GALNTL6: variants seen among roughly 807,000 people sequenced by gnomAD.
The protein encoded by GALNTL6 is polypeptide N-acetylgalactosaminyltransferase like 6, also known as polypeptide N-acetylgalactosaminyltransferase-like 6.
A neutral mutation model predicts 73.7 loss-of-function variants in GALNTL6; 46 were observed. The observed-to-expected ratio is 0.62, with a 90% CI of 0.49 to 0.80. GALNTL6 has a LOEUF of 0.80. GALNTL6 is among the 30% of genes least tolerant of loss of function. GALNTL6 has a pLI of 0.00. For missense variants in GALNTL6, 604 were observed against 755.0 expected (o/e 0.80, Z 2.34); for synonymous variants, 259 against 263.7 (o/e 0.98, Z 0.17).
intron 2 of GALNTL6, among the ~76,000 whole-genome samples, chr4:171,964,266 T>C (rs1183214217): frequency 6.6e-6 from 1 of 152,124 alleles, no homozygotes; most frequent in Non-Finnish European, 1.5e-5. Flanking sequence ...CTAAGTAGGA[T>C]AGAACCTCAA....
chr4:172,996,788 G>A (rs898161504), intron 10 of GALNTL6, among the ~76,000 whole-genome samples: 2 of 152,154 alleles, frequency 1.3e-5, no homozygotes, highest in African/African-American at 4.8e-5. Context: ...CCAGTGAACT[G>A]TATGAGTCAG....
At chr4:172,177,813 G>GTA (rs1735085633) in intron 2 of GALNTL6, among the ~76,000 whole-genome samples, 1 of 121,038 alleles carries the variant, frequency 8.3e-6, no homozygotes, top group Admixed American at 7.6e-5. Flanking sequence ...ACACATATAT[G>GTA]TGTGTGTATA....
chr4:172,336,692 C>T (rs1286098553), intron 4 of GALNTL6, among the ~76,000 whole-genome samples: 1 of 152,156 alleles, frequency 6.6e-6, no homozygotes, highest in Non-Finnish European at 1.5e-5. Flanking sequence ...ATATGTTCTG[C>T]ATGCAGACGA....
chr4:171,998,184 T>C (rs986213384), intron 2 of GALNTL6, among the ~76,000 whole-genome samples: 2 of 152,214 alleles, frequency 1.3e-5, no homozygotes, highest in African/African-American at 4.8e-5. Context: ...GTCACTCAGT[T>C]GCATCTAGAA....
chr4:172,535,743 C>T (rs577330766), intron 5 of GALNTL6, among the ~76,000 whole-genome samples: 1 of 152,176 alleles, frequency 6.6e-6, no homozygotes, highest in Admixed American at 6.5e-5. Context: ...AGGAGTAGCT[C>T]AAGGAGAAAT....
At chr4:172,604,715 T>C (rs1383647483) in intron 5 of GALNTL6, among the ~76,000 whole-genome samples, 1 of 152,222 alleles carries the variant, frequency 6.6e-6, no homozygotes, top group Admixed American at 6.5e-5. Flanking sequence ...CCTTATCTTC[T>C]CTACACTCTA....
At chr4:172,587,098 T>G (rs1030544483) in intron 5 of GALNTL6, among the ~76,000 whole-genome samples, 3 of 151,958 alleles carry the variant, frequency 2.0e-5, no homozygotes, top group African/African-American at 7.2e-5. Context: ...CCTATGTGTG[T>G]GCACATGTGA....
chr4:172,030,462 G>A (rs1470133606), intron 2 of GALNTL6, among the ~76,000 whole-genome samples: 1 of 152,026 alleles, frequency 6.6e-6, no homozygotes, highest in Non-Finnish European at 1.5e-5. Flanking sequence ...TGTAATCCCA[G>A]CACTTTGGGA....
At chr4:171,982,815 T>A (rs1296502914) in intron 2 of GALNTL6, among the ~76,000 whole-genome samples, 2 of 152,228 alleles carry the variant, frequency 1.3e-5, no homozygotes, top group Non-Finnish European at 2.9e-5. Context: ...ATACTCACTA[T>A]GCTAAAGGGA....
intron 7 of GALNTL6, among the ~76,000 whole-genome samples, chr4:172,882,138 G>A (rs1745487601): frequency 6.6e-6 from 1 of 152,030 alleles, no homozygotes; most frequent in Non-Finnish European, 1.5e-5. Context: ...AGCAGGAGTG[G>A]AATACTTGAA....
chr4:172,222,380 C>T (rs935256129), intron 2 of GALNTL6, among the ~76,000 whole-genome samples: 1 of 151,806 alleles, frequency 6.6e-6, no homozygotes, highest in African/African-American at 2.4e-5. Context: ...GTGAAAGCAA[C>T]CTTTTCTTGC....
intron 5 of GALNTL6, among the ~76,000 whole-genome samples, chr4:172,748,914 TTGTTGTTGTTG>T: frequency 1.1e-5 from 1 of 88,488 alleles, no homozygotes. Flanking sequence ...GTTGTTGTTG[TTGTTGTTGTTG>T]TTTAAGACAA....
chr4:172,741,920 G>C (rs1465891321), intron 5 of GALNTL6, among the ~76,000 whole-genome samples: 3 of 151,428 alleles, frequency 2.0e-5, no homozygotes, highest in African/African-American at 7.3e-5. Flanking sequence ...GTAACCTAAA[G>C]AATGAAGTTT....
chr4:171,956,628 C>T (rs1476860276), intron 2 of GALNTL6, among the ~76,000 whole-genome samples: 1 of 152,078 alleles, frequency 6.6e-6, no homozygotes, highest in African/African-American at 2.4e-5. Context: ...ACCTTTCATA[C>T]AAATATTCAT....
intron 3 of GALNTL6, among the ~76,000 whole-genome samples, chr4:172,299,885 C>T (rs111478122): frequency 0.81 from 122,597 of 152,036 alleles, 50,020 homozygotes; most frequent in Non-Finnish European, 0.87. Flanking sequence ...CTATTAGGTC[C>T]GCTTGGTGCA....
At chr4:172,214,644 A>G (rs1736439830) in intron 2 of GALNTL6, among the ~76,000 whole-genome samples, 1 of 151,222 alleles carries the variant, frequency 6.6e-6, no homozygotes, top group South Asian at 2.1e-4. Context: ...CCTCCTAAGT[A>G]GCTGGGATTA....
At chr4:172,773,401 T>C (rs1446679984) in intron 5 of GALNTL6, among the ~76,000 whole-genome samples, 1 of 152,180 alleles carries the variant, frequency 6.6e-6, no homozygotes, top group African/African-American at 2.4e-5. Context: ...TCGTAAGGTA[T>C]GTGTAGTGGC....
chr4:172,704,623 C>G (rs1734216768), intron 5 of GALNTL6, among the ~76,000 whole-genome samples: 1 of 151,944 alleles, frequency 6.6e-6, no homozygotes, highest in South Asian at 2.1e-4. Flanking sequence ...GTGGTCTATC[C>G]TAGAGAATGT....
intron 10 of GALNTL6, among the ~76,000 whole-genome samples, chr4:172,974,344 A>G (rs755061945): frequency 6.6e-5 from 10 of 152,014 alleles, no homozygotes; most frequent in Admixed American, 3.3e-4. Context: ...TCTCTCCCCC[A>G]TTTCTCAGTG....
Sources: allele counts gnomAD v4.1 joint callset (sites outside exome capture counted in the v4.1 genomes callset), GRCh38; gene constraint gnomAD v4.1.1; transcripts MANE v1.5; gene names NCBI Gene and HGNC (gene_info 2026-07-23, HGNC 2026-07-21).